Variants in CSMD1 observed in about 807,000 individuals in gnomAD.
CSMD1 encodes the protein CUB and Sushi multiple domains 1.
Under a neutral mutation model 417.5 loss-of-function variants are expected in CSMD1, and 213 were observed. That is an observed-to-expected ratio of 0.51 (90% CI 0.46 to 0.57). CSMD1 has a LOEUF of 0.57. Among genes scored for constraint, CSMD1 ranks in the 20% least tolerant of loss-of-function variants. The pLI, the probability that CSMD1 is intolerant of heterozygous loss-of-function variation, is 0.00. For synonymous variants in CSMD1, 2,862 were observed against 1,736.8 expected (o/e 1.65, Z -16.11); for missense variants, 6,923 against 4,529.7 (o/e 1.53, Z -15.17).
At chr8:3,107,305 G>C (rs919604980) in intron 45 of CSMD1, 4 of 159,002 alleles carry the variant, frequency 2.5e-5, no homozygotes, top group African/African-American at 9.6e-5. Flanking sequence ...TCAATGAAAT[G>C]TCACTGTTAT....
At chr8:4,464,042 TA>T (rs993196600) in intron 2 of CSMD1, among the ~76,000 whole-genome samples, 52 of 151,106 alleles carry the variant, frequency 3.4e-4, no homozygotes, top group Middle Eastern at 3.4e-3. Context: ...GTTTACGAAT[TA>T]AAAAAAAAGG....
At chr8:4,915,858 A>G (rs1806030358) in intron 1 of CSMD1, among the ~76,000 whole-genome samples, 1 of 152,206 alleles carries the variant, frequency 6.6e-6, no homozygotes, top group African/African-American at 2.4e-5. Context: ...TGCCTATTTC[A>G]AAGTTGCTTA....
rs560744591 is a variant in CSMD1 at position 3,738,432 on chromosome 8, C to A, written c.931+15498G>T. On this transcript the variant is annotated intron_variant, in intron 6 of 69. Transcript: ENST00000635120. ...TGGTTGTCACACCTTTTATTTATTT[C>A]AATTTTGGGGGAAAATGACTTGAAG... 5.3e-5 allele frequency among the ~76,000 whole-genome samples: 8 copies of A among 152,300 alleles called. No homozygotes were observed. In the East Asian group the frequency reaches 1.5e-3, roughly 29 times the overall value.
intron 5 of CSMD1, among the ~76,000 whole-genome samples, chr8:3,909,533 C>T (rs1028878472): frequency 7.2e-5 from 11 of 152,126 alleles, no homozygotes; most frequent in African/African-American, 2.2e-4. Context: ...CGTGGTCGCT[C>T]TCCCCAGGTA....
intron 2 of CSMD1, among the ~76,000 whole-genome samples, chr8:4,430,103 G>A (rs1262622097): frequency 6.6e-6 from 1 of 152,164 alleles, no homozygotes; most frequent in Admixed American, 6.5e-5. Context: ...TCCCAGAAGT[G>A]AGGTTTATAA....
chr8:3,872,584 G>A (rs185423601), intron 5 of CSMD1, among the ~76,000 whole-genome samples: 2 of 152,124 alleles, frequency 1.3e-5, no homozygotes, highest in East Asian at 3.9e-4. Flanking sequence ...GCTTGATAGA[G>A]TTCAGTAAAA....
chr8:4,822,861 G>A (rs1799598531), intron 1 of CSMD1, among the ~76,000 whole-genome samples: 1 of 151,994 alleles, frequency 6.6e-6, no homozygotes, highest in African/African-American at 2.4e-5. Flanking sequence ...CCGTCAGATT[G>A]TCTTTTTCAT....
chr8:3,029,593 C>G (rs567175082), intron 50 of CSMD1, 80 bp from the exon 51 acceptor site: 423 of 1,267,444 alleles, frequency 3.3e-4, no homozygotes, highest in Admixed American at 1.7e-3. Flanking sequence ...ATGGCAAGGT[C>G]TTGCTATATG....
In CSMD1 at chr8:4,801,620, ACT is replaced by A. The variant is rs1025599594; in HGVS notation, c.86-164064_86-164063del. Among the ~76,000 whole-genome samples, 19 of 151,400 alleles carry A rather than the reference ACT, an allele frequency of 1.3e-4. No homozygotes were observed. In the East Asian group the frequency reaches 3.3e-3, roughly 26 times the overall value. On this transcript the variant is annotated intron_variant, in intron 1 of 69. Coordinates refer to ENST00000635120, the MANE Select transcript of CSMD1 (RefSeq NM_033225.6). ...GAGCACCTCTATGCCGCTTTGACAC[ACT>A]CTGGATTCTGAAACCATCTTTATCT... is the stretch of plus-strand genomic sequence containing the variant.
At position 4,455,846 on chromosome 8, in the gene CSMD1, G is replaced by T. The variant is rs374009323; in HGVS notation, c.303-35781C>A. Among the ~76,000 whole-genome samples, 5 of 137,556 alleles carry T rather than the reference G, an allele frequency of 3.6e-5. No homozygotes were observed. In the East Asian group the frequency reaches 1.2e-3, roughly 32 times the overall value. 90.2% of individuals were successfully genotyped at this position (137,556 alleles called of 152,430 possible). Reference sequence around the variant, plus strand: ...CTCAGGAGGCTGAGGCAAGATAACTGCTTGAACCTGGGAGACAGGTTGCAG... The same window carrying T: ...CTCAGGAGGCTGAGGCAAGATAACTTCTTGAACCTGGGAGACAGGTTGCAG... On this transcript the variant is annotated intron_variant, in intron 2 of 69. Coordinates refer to ENST00000635120, the MANE Select transcript of CSMD1 (RefSeq NM_033225.6).
chr8:4,129,579 GTTT>G lies in CSMD1; in HGVS notation c.416-97483_416-97481del, dbSNP rs896433865. On this transcript the variant is annotated intron_variant, in intron 3 of 69. Transcript: ENST00000635120. ...GAATATTTTAGGTTATTTACTTTAC[GTTT>G]TTTATTATTATTATTATTACTGACC... 8.9e-3 allele frequency among the ~76,000 whole-genome samples: 116 copies of G among 13,066 alleles called. 1 individual carries two copies. Among genetic ancestry groups the G allele is most frequent in the African/African-American group, 0.026 (112 of 4,354 alleles). The allele number at this position is 13,066 out of a possible 152,430, so 8.6% of individuals were successfully genotyped here.
At chr8:4,019,860 C>A (rs1206355943) in intron 4 of CSMD1, among the ~76,000 whole-genome samples, 1 of 150,506 alleles carries the variant, frequency 6.6e-6, no homozygotes, top group Non-Finnish European at 1.5e-5. Flanking sequence ...CAAACCATTT[C>A]TCTCCTCAAG....
intron 1 of CSMD1, among the ~76,000 whole-genome samples, chr8:4,780,870 T>G (rs151291471): frequency 1.3e-5 from 2 of 152,326 alleles, no homozygotes; most frequent in East Asian, 3.9e-4. Flanking sequence ...ATCTCCAATC[T>G]CATCCAGTTC....
At chr8:4,201,891 G>GA (rs1329403389) in intron 3 of CSMD1, among the ~76,000 whole-genome samples, 2 of 148,804 alleles carry the variant, frequency 1.3e-5, no homozygotes, top group Admixed American at 6.7e-5. Context: ...AAATTTTGGG[G>GA]GGGGGGGGCG....
chr8:4,758,094 C>T lies in CSMD1; in HGVS notation c.86-120536G>A, dbSNP rs141875144. On this transcript the variant is annotated intron_variant, in intron 1 of 69. Coordinates refer to ENST00000635120, the MANE Select transcript of CSMD1 (RefSeq NM_033225.6). ...TTACTTTTCTCAGGTGAGAAATTTC[C>T]ACTGAAACCAACCAAAGGAAATAAT... 5.8e-3 allele frequency among the ~76,000 whole-genome samples: 882 copies of T among 152,070 alleles called. 4 individuals are homozygous for T. Among genetic ancestry groups the T allele is most frequent in the Non-Finnish European group, 7.9e-3 (540 of 68,000 alleles).
chr8:4,648,363 G>A (rs935837965), intron 1 of CSMD1, among the ~76,000 whole-genome samples: 1 of 152,096 alleles, frequency 6.6e-6, no homozygotes, highest in Non-Finnish European at 1.5e-5. Flanking sequence ...CATTCTCTGT[G>A]ATCTACGGGA....
chr8:2,974,098 G>A (rs865932833), intron 56 of CSMD1, among the ~76,000 whole-genome samples: 12 of 151,850 alleles, frequency 7.9e-5, no homozygotes, highest in African/African-American at 2.4e-4. Flanking sequence ...GATGGTAGAG[G>A]ATGATGGTAG....
chr8:3,675,737 G>A (rs1286847320), intron 7 of CSMD1, among the ~76,000 whole-genome samples: 2 of 151,996 alleles, frequency 1.3e-5, no homozygotes, highest in South Asian at 2.1e-4. Flanking sequence ...CTTGATCTTG[G>A]ACTTCCAGTC....
At chr8:3,080,428 AT>A (rs1332604362) in intron 49 of CSMD1, among the ~76,000 whole-genome samples, 5 of 152,238 alleles carry the variant, frequency 3.3e-5, no homozygotes, top group African/African-American at 1.2e-4. Flanking sequence ...GAGAGAAATA[AT>A]TTAAAAGGTC....
Sources: gnomAD v4.1 joint callset for allele counts (sites outside exome capture counted in the v4.1 genomes callset) on GRCh38, gnomAD v4.1.1 for gene constraint, MANE v1.5 for transcripts, NCBI Gene and HGNC (gene_info 2026-07-23, HGNC 2026-07-21) for gene names.